The following VSNL1 variants were observed in gnomAD, a reference collection of about 807,000 sequenced individuals.
The protein encoded by VSNL1 is visinin-like protein 1.
A neutral mutation model predicts 20.4 loss-of-function variants in VSNL1; 6 were observed. That is an observed-to-expected ratio of 0.29 (90% CI 0.16 to 0.58). VSNL1 has a LOEUF of 0.58. Ranked by LOEUF, VSNL1 falls within the 20% of genes least tolerant of loss-of-function variation. The pLI is 0.90. For missense variants in VSNL1, 100 were observed against 234.5 expected (o/e 0.43, Z 3.75); for synonymous variants, 93 against 86.4 (o/e 1.08, Z -0.42).
chr2:17,593,725 CT>C (rs1412224890), intron 2 of VSNL1, among the ~76,000 whole-genome samples: 1 of 152,194 alleles, frequency 6.6e-6, no homozygotes, highest in Non-Finnish European at 1.5e-5. Flanking sequence ...ATGCCAAGAT[CT>C]TTTCTATAGA....
At chr2:17,540,571 T>A (rs2103330175), upstream of VSNL1, 1 of 152,860 alleles carries the variant, frequency 6.5e-6, no homozygotes, top group East Asian at 1.9e-4. Flanking sequence ...TCCCGAGTTC[T>A]CCTAGCTGGG....
chr2:17,636,292 G>A (rs1572214207), intron 2 of VSNL1, among the ~76,000 whole-genome samples: 1 of 152,080 alleles, frequency 6.6e-6, no homozygotes, highest in East Asian at 1.9e-4. Flanking sequence ...ACACTCACTG[G>A]CCTAGAAGAC....
rs118049782 is a variant in VSNL1, at chr2:17,643,042, T to A, written c.163-6368T>A. 2.5e-4 allele frequency among the ~76,000 whole-genome samples: 38 copies of A among 152,230 alleles called. No individual in the cohort carries two copies. In the East Asian group the frequency reaches 7.0e-3, roughly 28 times the overall value. ...GGCGAGGGTGTCCTTAACCTCCTTCTGGAGAGCCTACATGTGGAAGGAGCT... is the reference window on the plus strand; with the variant it reads ...GGCGAGGGTGTCCTTAACCTCCTTCAGGAGAGCCTACATGTGGAAGGAGCT... On this transcript the variant is annotated intron_variant, in intron 2 of 3. Transcript: ENST00000295156.
intron 2 of VSNL1, among the ~76,000 whole-genome samples, chr2:17,643,944 G>T (rs1665936867): frequency 6.6e-6 from 1 of 152,166 alleles, no homozygotes; most frequent in Admixed American, 6.5e-5. Flanking sequence ...CAGAGGTGGG[G>T]ACCAGACACA....
intron 2 of VSNL1, among the ~76,000 whole-genome samples, chr2:17,593,026 A>G (rs1190256153): frequency 1.3e-5 from 2 of 152,238 alleles, no homozygotes; most frequent in Non-Finnish European, 2.9e-5. Flanking sequence ...TGATTAAAAT[A>G]CCAAATAGAA....
intron 1 of VSNL1, among the ~76,000 whole-genome samples, chr2:17,577,116 A>T (rs1207312000): frequency 6.6e-6 from 1 of 152,232 alleles, no homozygotes; most frequent in Non-Finnish European, 1.5e-5. Flanking sequence ...TGTATATTTA[A>T]ATATATCTAA....
intron 2 of VSNL1, among the ~76,000 whole-genome samples, chr2:17,644,499 G>A (rs559975137): frequency 1.3e-5 from 2 of 152,220 alleles, no homozygotes; most frequent in Non-Finnish European, 2.9e-5. Context: ...CAAGACCCCG[G>A]AAGAGACAGG....
chr2:17,547,752 T>C (rs1474597676), intron 1 of VSNL1, among the ~76,000 whole-genome samples: 1 of 152,118 alleles, frequency 6.6e-6, no homozygotes, highest in East Asian at 1.9e-4. Context: ...CACCCTACTA[T>C]ATAATGCCAG....
Position 17,541,397 on chromosome 2 carries a change from T to A in VSNL1, c.-6+479T>A, listed in dbSNP as rs149739166. The A allele has an allele frequency of 3.3e-5, 5 of 152,344 alleles. No homozygotes were observed. In the East Asian group the frequency reaches 9.6e-4, roughly 29 times the overall value. 9.4% of individuals were successfully genotyped at this position (152,344 alleles called of 1,614,324 possible). A position where few individuals can be genotyped will look rare whatever the true frequency, so the allele number is the denominator to read the frequency against. The stretch of plus-strand genomic sequence containing the variant: ...GATGAGATTGGTATGGAAATCATGG[T>A]TGATCTCTGAGCGGGATGTTAGTGT... On this transcript the variant is annotated intron_variant, in intron 1 of 3. Coordinates refer to ENST00000295156, the MANE Select transcript of VSNL1 (RefSeq NM_003385.5).
intron 2 of VSNL1, among the ~76,000 whole-genome samples, chr2:17,626,762 C>T (rs1244243895): frequency 2.0e-5 from 3 of 152,210 alleles, no homozygotes; most frequent in Non-Finnish European, 2.9e-5. Context: ...CAGTTTGGAG[C>T]ATTGTCCACA....
chr2:17,624,274 C>T (rs536689030), intron 2 of VSNL1, among the ~76,000 whole-genome samples: 39 of 152,310 alleles, frequency 2.6e-4, no homozygotes, highest in Admixed American at 2.4e-3. Flanking sequence ...AGGTCTGAGG[C>T]TCACTCGCTG....
rs1164466204 is a variant in VSNL1 at position 17,655,452 on chromosome 2, TATTC to T, written c.*60_*63del. 1.1e-6 allele frequency: 1 copy of T among 911,600 alleles called. No individual in the cohort carries two copies. Among genetic ancestry groups the T allele is most frequent in the Non-Finnish European group, 1.7e-6 (1 of 603,646 alleles). 56.5% of individuals were successfully genotyped at this position (911,600 alleles called of 1,614,324 possible). On this transcript the variant is annotated 3_prime_UTR_variant, in exon 4 of 4. Coordinates refer to ENST00000295156, the MANE Select transcript of VSNL1 (RefSeq NM_003385.5). The surrounding 1 kb of genome is among the most constrained non-coding windows in gnomAD (Gnocchi z 5.2). Reference sequence around the variant, plus strand: ...CTCAATGTTCCATTCAGTCTGCAGCTATTCACACACACACACACACACACACACA... The same window carrying T: ...CTCAATGTTCCATTCAGTCTGCAGCTACACACACACACACACACACACACA...
At chr2:17,569,595 C>T (rs931273658) in intron 1 of VSNL1, among the ~76,000 whole-genome samples, 1 of 152,086 alleles carries the variant, frequency 6.6e-6, no homozygotes, top group African/African-American at 2.4e-5. Context: ...CCATATTTTT[C>T]ATCCGTTACC....
At chr2:17,596,916 A>G (rs1664723949) in intron 2 of VSNL1, among the ~76,000 whole-genome samples, 1 of 152,246 alleles carries the variant, frequency 6.6e-6, no homozygotes. Flanking sequence ...AATGAAAACT[A>G]TTTATGACAT....
chr2:17,552,189 G>A (rs1663556817), intron 1 of VSNL1, among the ~76,000 whole-genome samples: 1 of 122,602 alleles, frequency 8.2e-6, no homozygotes, highest in African/African-American at 2.8e-5. Context: ...GACAGAGCGA[G>A]ATTCCATCTC....
intron 2 of VSNL1, among the ~76,000 whole-genome samples, chr2:17,615,418 G>A (rs1665193085): frequency 6.6e-6 from 1 of 152,200 alleles, no homozygotes; most frequent in Non-Finnish European, 1.5e-5. Flanking sequence ...ATGTTGTAGA[G>A]TGATCAAATC....
At position 17,551,763 on chromosome 2, in the gene VSNL1, A is replaced by G. The variant is rs142148246; in HGVS notation, c.-6+10845A>G. Among the ~76,000 whole-genome samples, 1,402 of 152,290 alleles carry G rather than the reference A, an allele frequency of 9.2e-3. 11 individuals are homozygous for G. Among genetic ancestry groups the G allele is most frequent in the Non-Finnish European group, 0.014 (983 of 68,018 alleles). On this transcript the variant is annotated intron_variant, in intron 1 of 3. Transcript: ENST00000295156. ...TGTACTTAGAAGGCTTACCTATATC[A>G]TTCATCTTTGGCTGTTAGCCAAAAT... is the stretch of plus-strand genomic sequence containing the variant.
intron 1 of VSNL1, among the ~76,000 whole-genome samples, chr2:17,564,878 A>G (rs111950899): frequency 3.3e-5 from 5 of 152,334 alleles, no homozygotes; most frequent in African/African-American, 9.6e-5. Context: ...TAGTCGTAAG[A>G]TTACGGAAAT....
intron 2 of VSNL1, among the ~76,000 whole-genome samples, chr2:17,622,568 G>T (rs942723236): frequency 4.6e-5 from 6 of 130,340 alleles, no homozygotes; most frequent in African/African-American, 1.6e-4. Context: ...AAGAAAGAAA[G>T]AAAGAAAGAA....
Sources: gnomAD v4.1 joint callset for allele counts (sites outside exome capture counted in the v4.1 genomes callset) on GRCh38, gnomAD v4.1.1 for gene constraint, Gnocchi (gnomAD v3.1) non-coding constraint, MANE v1.5 for transcripts, NCBI Gene and HGNC (gene_info 2026-07-23, HGNC 2026-07-21) for gene names.